Variants in ENPP6 observed in about 807,000 individuals in gnomAD.
ENPP6 encodes glycerophosphocholine cholinephosphodiesterase ENPP6.
Under a neutral mutation model 42.0 loss-of-function variants are expected in ENPP6, and 32 were observed. The ratio of observed to expected loss-of-function variants is 0.76; its 90% CI spans 0.58 to 1.02. The LOEUF is 1.02. Among genes scored for constraint, ENPP6 ranks in the 50% least tolerant of loss-of-function variants. ENPP6 has a pLI of 0.00. For missense variants in ENPP6, 552 were observed against 566.8 expected, an observed-to-expected ratio of 0.97 and a Z score of 0.27; for synonymous variants, 213 against 216.0, an observed-to-expected ratio of 0.99 and a Z score of 0.12.
At chr4:184,093,565 G>T (rs1735843380) in intron 7 of ENPP6, among the ~76,000 whole-genome samples, 1 of 151,500 alleles carries the variant, frequency 6.6e-6, no homozygotes, top group Non-Finnish European at 1.5e-5. Flanking sequence ...CTTGAATCCA[G>T]GAGGCGGAGG....
chr4:184,181,875 A>T (rs1392542529), intron 1 of ENPP6, among the ~76,000 whole-genome samples: 1 of 152,236 alleles, frequency 6.6e-6, no homozygotes, highest in Non-Finnish European at 1.5e-5. Context: ...TGGATTAAAG[A>T]CTTAAATGTA....
chr4:184,155,658 G>A (rs1367988688), intron 1 of ENPP6, among the ~76,000 whole-genome samples: 3 of 152,164 alleles, frequency 2.0e-5, no homozygotes, highest in Admixed American at 2.0e-4. Context: ...CTGCTTCCAA[G>A]CTTGAATTGT....
Position 184,089,891 on chromosome 4 carries a change from C to T in ENPP6, c.*1286G>A, listed in dbSNP as rs1735758167. 1 of 152,148 alleles carries T rather than the reference C, an allele frequency of 6.6e-6. No homozygotes were observed. Among genetic ancestry groups the T allele is most frequent in the South Asian group, 2.1e-4 (1 of 4,826 alleles). 9.4% of individuals were successfully genotyped at this position (152,148 alleles called of 1,614,324 possible). A position where few individuals can be genotyped will look rare whatever the true frequency, so the allele number is the denominator to read the frequency against. ...GGAGTTATTTCTTGTGTTACAATTT[C>T]TCCTATAGCAAACACAGATGACTAA... On this transcript the variant is annotated 3_prime_UTR_variant, in exon 8 of 8. Transcript: ENST00000296741.
chr4:184,163,247 G>T (rs992256243), intron 1 of ENPP6, among the ~76,000 whole-genome samples: 2 of 152,174 alleles, frequency 1.3e-5, no homozygotes, highest in African/African-American at 4.8e-5. Flanking sequence ...GAATGGAAGG[G>T]ACCTCAGGCG....
chr4:184,111,130 T>C (rs747501063), intron 6 of ENPP6, among the ~76,000 whole-genome samples: 20 of 152,106 alleles, frequency 1.3e-4, no homozygotes, highest in Non-Finnish European at 2.1e-4. Flanking sequence ...TCCACCAAGA[T>C]GCCCGATCAC....
intron 5 of ENPP6, among the ~76,000 whole-genome samples, chr4:184,114,995 C>G (rs1177983138): frequency 6.6e-6 from 1 of 152,060 alleles, no homozygotes; most frequent in Admixed American, 6.5e-5. Flanking sequence ...GTTCCTCAAC[C>G]CCAAACAGAC....
At chr4:184,117,650 A>T in intron 4 of ENPP6, 109 bp downstream of exon 4, 4 of 1,510,592 alleles carry the variant, frequency 2.6e-6, no homozygotes, top group Non-Finnish European at 3.6e-6. Context: ...GTGCTGGCCC[A>T]ATTGGCCTTT....
intron 2 of ENPP6, among the ~76,000 whole-genome samples, chr4:184,150,119 G>A (rs1737001095): frequency 6.6e-6 from 1 of 152,046 alleles, no homozygotes; most frequent in African/African-American, 2.4e-5. Flanking sequence ...CTGACTTAGG[G>A]CCTGGGATCA....
chr4:184,153,476 C>T, intron 2 of ENPP6, 78 bp downstream of exon 2: 1 of 1,468,184 alleles, frequency 6.8e-7, no homozygotes, highest in Non-Finnish European at 9.1e-7. Flanking sequence ...GCTTGGTCTT[C>T]AAACAGTAAC....
chr4:184,202,244 A>T (rs1732914732), intron 1 of ENPP6, among the ~76,000 whole-genome samples: 1 of 152,204 alleles, frequency 6.6e-6, no homozygotes, highest in Non-Finnish European at 1.5e-5. Context: ...ATCTGTGCTA[A>T]TGAGAGCCCC....
chr4:184,152,540 C>A (rs1331486874), intron 2 of ENPP6, among the ~76,000 whole-genome samples: 1 of 152,148 alleles, frequency 6.6e-6, no homozygotes, highest in Non-Finnish European at 1.5e-5. Context: ...CTGGTATCTT[C>A]CTCCATAATG....
At chr4:184,101,418 A>G (rs550074635) in intron 6 of ENPP6, among the ~76,000 whole-genome samples, 21 of 151,646 alleles carry the variant, frequency 1.4e-4, no homozygotes, top group African/African-American at 4.1e-4. Context: ...GTCCAAATAA[A>G]GAGGGTGGGG....
At position 184,149,453 on chromosome 4, in the gene ENPP6, C is replaced by A. The variant is rs150051556; in HGVS notation, c.421+4101G>T. On this transcript the variant is annotated intron_variant, in intron 2 of 7. Transcript: ENST00000296741. Reference sequence around the variant, plus strand: ...GAGTCAAATGCCCACCCACTAACTCCCCACTCAGCCCACTGCTGGAAAGTG... The same window carrying A: ...GAGTCAAATGCCCACCCACTAACTCACCACTCAGCCCACTGCTGGAAAGTG... Among the ~76,000 whole-genome samples the A allele has an allele frequency of 3.0e-3, 451 of 152,334 alleles. 6 individuals carry two copies. Among genetic ancestry groups the A allele is most frequent in the Admixed American group, 4.1e-3 (63 of 15,304 alleles).
rs528564473 is a variant in ENPP6 at position 184,138,601 on chromosome 4, A to AT, written c.422-14330dup. Among the ~76,000 whole-genome samples the AT allele has an allele frequency of 1.2e-3, 188 of 152,332 alleles. 1 individual carries two copies. The South Asian group carries it at 0.038, about 31-fold the overall frequency. On this transcript the variant is annotated intron_variant, in intron 2 of 7. Coordinates refer to ENST00000296741, the MANE Select transcript of ENPP6 (RefSeq NM_153343.4). ...TTTCTTACATATAACAGGAAAGAAC[A>AT]TTTTTTAGTCAGGATGACTTTAGCA... is the stretch of plus-strand genomic sequence containing the variant.
intron 2 of ENPP6, among the ~76,000 whole-genome samples, chr4:184,129,174 A>G (rs942040648): frequency 3.3e-5 from 5 of 152,158 alleles, no homozygotes; most frequent in African/African-American, 1.2e-4. Context: ...GAAATAAGAA[A>G]TGAATGCTGG....
intron 1 of ENPP6, among the ~76,000 whole-genome samples, chr4:184,157,774 A>ATTTTTTTTTTTTTTTTTTTTTTTTTTTTT: frequency 8.2e-6 from 1 of 122,360 alleles, no homozygotes; most frequent in Non-Finnish European, 1.6e-5. Context: ...AACTTGGCTA[A>ATTTTTTTTTTTTTTTTTTTTTTTTTTTTT]TTTTTTTTTT....
intron 1 of ENPP6, among the ~76,000 whole-genome samples, chr4:184,175,783 C>A (rs772258527): frequency 1.1e-4 from 16 of 152,114 alleles, no homozygotes; most frequent in South Asian, 2.1e-4. Flanking sequence ...GAGAAGAGAG[C>A]CTGGCCATTA....
chr4:184,119,063 G>T (rs956944177), intron 3 of ENPP6, among the ~76,000 whole-genome samples: 1 of 152,202 alleles, frequency 6.6e-6, no homozygotes, highest in Non-Finnish European at 1.5e-5. Context: ...CAGTATGATT[G>T]CCTGTCTTCT....
intron 1 of ENPP6, among the ~76,000 whole-genome samples, chr4:184,205,611 T>C (rs774520907): frequency 8.5e-5 from 13 of 152,214 alleles, no homozygotes; most frequent in Non-Finnish European, 1.5e-4. Context: ...AGGAGTGGTG[T>C]CATCAGGACT....
Sources: allele counts gnomAD v4.1 joint callset (sites outside exome capture counted in the v4.1 genomes callset), GRCh38; gene constraint gnomAD v4.1.1; transcripts MANE v1.5; gene names NCBI Gene and HGNC (gene_info 2026-07-23, HGNC 2026-07-21).